The following RHOXF1 variants were observed in gnomAD, a reference collection of about 807,000 sequenced individuals.
RHOXF1 encodes Rhox homeobox family member 1.
RHOXF1 carries 1 observed loss-of-function variant against 9.7 expected under a neutral mutation model. That is an observed-to-expected ratio of 0.10 (90% CI 0.04 to 0.49). The LOEUF (loss-of-function observed/expected upper bound fraction) is 0.49, where lower values mean the gene tolerates loss of function less well. Ranked by LOEUF, RHOXF1 falls within the 20% of genes least tolerant of loss-of-function variation. The probability of loss-of-function intolerance (pLI) is 0.95; values close to 1 mark genes in which losing one functional copy is unlikely to be tolerated. For missense variants in RHOXF1, 179 were observed against 168.0 expected, an observed-to-expected ratio of 1.07 and a Z score of -0.36; for synonymous variants, 72 against 70.2, an observed-to-expected ratio of 1.03 and a Z score of -0.13.
chrX:120,109,571 A>ATTATTTATTTATTTATTTATTTAT (rs781846625), intron 2 of RHOXF1, among the ~76,000 whole-genome samples: 1 of 107,228 alleles, frequency 9.3e-6, no homozygotes, highest in African/African-American at 3.5e-5. Context: ...TTATTTATTT[A>ATTATTTATTTATTTATTTATTTAT]TTATTTATTT....
At chrX:120,110,402 C>G (rs148959668) in intron 2 of RHOXF1, among the ~76,000 whole-genome samples, 1,263 of 111,712 alleles carry the variant, frequency 0.011, 14 homozygotes, top group South Asian at 0.048. Flanking sequence ...AATCTTCGTT[C>G]TCCAATCTGC....
chrX:120,115,541 T>C lies in RHOXF1; in HGVS notation c.322A>G (p.Thr108Ala). 1 of 1,138,847 alleles carries C rather than the reference T, an allele frequency of 8.8e-7. No homozygotes were observed. Among genetic ancestry groups the C allele is most frequent in the African/African-American group, 1.8e-5 (1 of 55,048 alleles). 93.9% of individuals were successfully genotyped at this position (1,138,847 alleles called of 1,213,427 possible). Residue 108 changes from threonine to alanine, a missense_variant, in exon 1 of 3, where the codon ACG becomes GCG. Thr to Ala is a moderately conservative substitution (Grantham distance 58). Coordinates refer to ENST00000217999, the MANE Select transcript of RHOXF1 (RefSeq NM_139282.3). ...PENMQPRTRR[T>A]KFTLLQVEEL... ...TCCACCTGCAACAGCGTGAACTTCGTGCGCCGAGTTCGTGGCTGCATGTTC... is the reference window on the plus strand; with the variant it reads ...TCCACCTGCAACAGCGTGAACTTCGCGCGCCGAGTTCGTGGCTGCATGTTC...
At chrX:120,117,702 T>A (rs1183138107), upstream of RHOXF1, 4 of 111,586 alleles carry the variant, frequency 3.6e-5, no homozygotes, top group Admixed American at 9.5e-5. Flanking sequence ...GATCCTTGCG[T>A]TCTATCCCTA....
upstream of RHOXF1, among the ~76,000 whole-genome samples, chrX:120,119,097 ACT>A (rs1444679475): frequency 1.8e-5 from 2 of 110,639 alleles, no homozygotes; most frequent in African/African-American, 3.3e-5. Flanking sequence ...GAGAACAATC[ACT>A]CTCTCTCCCT....
intron 2 of RHOXF1, among the ~76,000 whole-genome samples, chrX:120,111,375 T>A (rs1274693333): frequency 2.7e-5 from 3 of 111,946 alleles, no homozygotes. Flanking sequence ...TTTGCTTTTT[T>A]GGACAACCCA....
upstream of RHOXF1, among the ~76,000 whole-genome samples, chrX:120,119,876 A>G (rs1556001085): frequency 8.9e-6 from 1 of 111,869 alleles, no homozygotes. Context: ...ATCTTGCAGA[A>G]ATATGAGGCA....
rs142256194 is a variant in RHOXF1, at chrX:120,115,393, G to A, written c.398+72C>T. 16,160 of 923,216 alleles carry A rather than the reference G, an allele frequency of 0.018. 1,425 individuals are homozygous for A. In the African/African-American group the frequency reaches 0.27, roughly 15 times the overall value. The allele number at this position is 923,216 out of a possible 1,213,427, so 76.1% of individuals were successfully genotyped here. A position where few individuals can be genotyped will look rare whatever the true frequency, so the allele number is the denominator to read the frequency against. On this transcript the variant is annotated intron_variant, in intron 1 of 2. Transcript: ENST00000217999. ...AGTGGCTTTTTCCTCATGATTGGGT[G>A]GGGCAAGGGAGAGAAAAAGATGCCT...
chrX:120,109,263 G>A lies in RHOXF1; in HGVS notation c.484C>T (p.Gln162Ter). The A allele has an allele frequency of 8.4e-7, 1 of 1,196,055 alleles. No individual in the cohort carries two copies. The change falls in exon 3 of 3, where the codon CAG becomes TAG. Residue 162 changes from glutamine to a stop codon, truncating the protein, a stop_gained. Coordinates refer to ENST00000217999, the MANE Select transcript of RHOXF1 (RefSeq NM_139282.3). LOFTEE classifies it low-confidence loss of function (END_TRUNC). ...KNKRARCRRH[Q>*]RELMLANELR... is the part of the protein sequence containing the mutation. ...TCATTGGCGAGCATTAATTCTCTCT[G>A]ATGTCGCCTACATCTGGCCCTTTTA... is the stretch of plus-strand genomic sequence containing the variant.
At chrX:120,117,852 C>G (rs1952060513), upstream of RHOXF1, 1 of 112,557 alleles carries the variant, frequency 8.9e-6, no homozygotes, top group African/African-American at 3.2e-5. Context: ...AGATCCGAAG[C>G]ATGACTCACT....
upstream of RHOXF1, chrX:120,120,380 C>T (rs2057311730): frequency 8.9e-6 from 1 of 111,882 alleles, no homozygotes; most frequent in African/African-American, 3.3e-5. Context: ...CAATGTGCCA[C>T]TGTCGCGGCC....
intron 2 of RHOXF1, 126 bp from the exon 3 acceptor site, chrX:120,109,428 C>T (rs1603390517): frequency 2.4e-6 from 1 of 420,527 alleles, no homozygotes; most frequent in South Asian, 5.1e-5. Context: ...GCTATTTCCT[C>T]ATTGCTAAAA....
chrX:120,115,777 G>A lies in RHOXF1; in HGVS notation c.86C>T (p.Ala29Val), dbSNP rs980162869. ...VKISPTPQLGAASSAEGHVGQ... is the reference protein window; with the variant it reads ...VKISPTPQLGVASSAEGHVGQ... ...AACATGGCCTTCTGCGCTTGATGCT[G>A]CCCCCAGCTGAGGTGTGGGGCTTAT... The change falls in exon 1 of 3, where the codon GCA (alanine) becomes GTA (valine). Residue 29 changes from alanine (A) to valine (V), a missense_variant. Transcript: ENST00000217999. 1 of 1,207,650 alleles carries A rather than the reference G, an allele frequency of 8.3e-7. No homozygotes were observed. The highest frequency in any genetic ancestry group is 1.1e-6 in the Non-Finnish European group (1 of 894,791).
rs1556000516 is a variant in RHOXF1, at chrX:120,115,855, C to T, written c.8G>A (p.Arg3His). ...GAACACGGTGTCGTGGACGAGCGAACGCGCCATGGCTGGAGCGCTGCGCCC... is the reference window on the plus strand; with the variant it reads ...GAACACGGTGTCGTGGACGAGCGAATGCGCCATGGCTGGAGCGCTGCGCCC... MA[R>H]SLVHDTVFYC... Residue 3 changes from arginine to histidine, a missense_variant, in exon 1 of 3, where the codon CGT becomes CAT. Physicochemically the swap from Arg to His is conservative, Grantham distance 29. Transcript: ENST00000217999. The T allele has an allele frequency of 4.3e-6, 5 of 1,173,862 alleles. No homozygotes were observed. The highest frequency in any genetic ancestry group is 1.9e-5 in the South Asian group (1 of 52,632).
chrX:120,115,379 C>T, intron 1 of RHOXF1, 86 bp downstream of exon 1: 1 of 793,404 alleles, frequency 1.3e-6, no homozygotes, highest in Non-Finnish European at 1.7e-6. Context: ...GTGGCTTTTT[C>T]CTCATGATTG....
At chrX:120,115,203 C>T (rs1443588427) in intron 1 of RHOXF1, among the ~76,000 whole-genome samples, 2 of 111,825 alleles carry the variant, frequency 1.8e-5, no homozygotes, top group African/African-American at 3.3e-5. Context: ...GTGGTTTGGA[C>T]GGTAAATTTC....
upstream of RHOXF1, chrX:120,120,301 C>G (rs1475679193): frequency 2.7e-5 from 3 of 112,163 alleles, no homozygotes; most frequent in African/African-American, 9.7e-5. Context: ...GAGCCCAACA[C>G]AGGGAACACT....
intron 1 of RHOXF1, among the ~76,000 whole-genome samples, chrX:120,114,390 G>T (rs2147139260): frequency 9.0e-6 from 1 of 110,533 alleles, no homozygotes; most frequent in Non-Finnish European, 1.9e-5. Context: ...ACAAAAACAG[G>T]CCATCATCAC....
chrX:120,109,245 C>T lies in RHOXF1; in HGVS notation c.502G>A (p.Ala168Thr), dbSNP rs1484612375. 1.8e-5 allele frequency: 21 copies of T among 1,197,935 alleles called. No homozygotes were observed. Among genetic ancestry groups the T allele is most frequent in the Middle Eastern group, 2.3e-4 (1 of 4,329 alleles). The change falls in exon 3 of 3, where the codon GCC (alanine) becomes ACC (threonine). Residue 168 changes from alanine to threonine, a missense_variant. By Grantham distance (58) the Ala-to-Thr change is moderately conservative. Coordinates refer to ENST00000217999, the MANE Select transcript of RHOXF1 (RefSeq NM_139282.3). Reference protein sequence around the residue: ...CRRHQRELMLANELRADPDDC... With the variant: ...CRRHQRELMLTNELRADPDDC... ...TCTGGGTCAGCACGTAGTTCATTGG[C>T]GAGCATTAATTCTCTCTGATGTCGC...
At chrX:120,118,721 A>C (rs1309365490), upstream of RHOXF1, among the ~76,000 whole-genome samples, 2 of 111,308 alleles carry the variant, frequency 1.8e-5, no homozygotes, top group Non-Finnish European at 3.8e-5. Flanking sequence ...TTTCTCCTAT[A>C]AACATTCTCC....
Sources: gnomAD v4.1 joint callset for allele counts (sites outside exome capture counted in the v4.1 genomes callset) on GRCh38, gnomAD v4.1.1 for gene constraint, MANE v1.5 for transcripts, NCBI Gene and HGNC (gene_info 2026-07-23, HGNC 2026-07-21) for gene names.